Variants in KIFBP observed in about 807,000 individuals in gnomAD.
The protein encoded by KIFBP is kinesin family binding protein, also known as KIF-binding protein.
In KIFBP, 46 loss-of-function variants were observed where a neutral mutation model predicts 58.9. The observed-to-expected ratio is 0.78, with a 90% confidence interval of 0.62 to 1.00. The LOEUF is 1.00. Among genes scored for constraint, KIFBP ranks in the 50% least tolerant of loss-of-function variants. The pLI is 0.00. For synonymous variants in KIFBP, 241 were observed against 283.4 expected (o/e 0.85, Z 1.50); for missense variants, 651 against 752.9 (o/e 0.86, Z 1.58).
Position 69,016,230 on chromosome 10 carries a change from A to G in KIFBP, c.1680A>G (p.Ala560=). The G allele has an allele frequency of 6.2e-7, 1 of 1,606,680 alleles. No homozygotes were observed. The highest frequency in any genetic ancestry group is 8.5e-7 in the Non-Finnish European group (1 of 1,176,816). ...GTCTCTATGGCAAAATCATTACTGC[A>G]GATCCCAAGAAAGAGCTGGAAAATT... ...VARLYGKIIT[A]DPKKELENLA... The change falls in exon 7 of 7, where the codon GCA becomes GCG. Residue 560 remains alanine, a synonymous_variant. Coordinates refer to ENST00000361983, the MANE Select transcript of KIFBP (RefSeq NM_015634.4).
intron 5 of KIFBP, among the ~76,000 whole-genome samples, chr10:69,009,312 G>A (rs1288610876): frequency 6.6e-6 from 1 of 151,662 alleles, no homozygotes; most frequent in Non-Finnish European, 1.5e-5. Flanking sequence ...GATCAACATA[G>A]TGAGACCCCA....
intron 2 of KIFBP, among the ~76,000 whole-genome samples, chr10:69,002,326 A>G (rs1843475879): frequency 6.6e-6 from 1 of 151,376 alleles, no homozygotes; most frequent in Non-Finnish European, 1.5e-5. Flanking sequence ...TTCCCAGCTA[A>G]TTTTTGTATT....
intron 6 of KIFBP, among the ~76,000 whole-genome samples, chr10:69,015,054 C>T (rs559087061): frequency 6.6e-6 from 1 of 152,248 alleles, no homozygotes; most frequent in African/African-American, 2.4e-5. Context: ...TCTCAAGTAG[C>T]TGGGATTACA....
intron 4 of KIFBP, among the ~76,000 whole-genome samples, chr10:69,008,391 A>AAAAAAAAAAAAAAT: frequency 1.4e-4 from 10 of 71,592 alleles, no homozygotes; most frequent in Admixed American, 3.6e-4. Context: ...AAAAAAAAAA[A>AAAAAAAAAAAAAAT]ATATATATAT....
At chr10:68,994,673 T>C (rs1414585261) in intron 1 of KIFBP, among the ~76,000 whole-genome samples, 1 of 152,190 alleles carries the variant, frequency 6.6e-6, no homozygotes, top group Admixed American at 6.5e-5. Context: ...TTTGTTGTTA[T>C]TGTTCACAGA....
In KIFBP at chr10:69,015,560, A is replaced by T; in HGVS notation, c.1010A>T (p.Asp337Val). Residue 337 changes from aspartate to valine, a missense_variant, in exon 7 of 7, where the codon GAT becomes GTT. Asp to Val is a radical substitution (Grantham distance 152). Transcript: ENST00000361983. ...LSMQDNIGEL[D>V]LDKQSELRAL... ...CTTCAGGACAACATAGGAGAGCTTG[A>T]TCTTGATAAACAGTCTGAACTTAGA... The T allele has an allele frequency of 6.2e-7, 1 of 1,613,784 alleles. No individual in the cohort carries two copies. The highest frequency in any genetic ancestry group is 8.5e-7 in the Non-Finnish European group (1 of 1,179,912).
At chr10:68,989,846 T>C in intron 1 of KIFBP, 2 of 153,466 alleles carry the variant, frequency 1.3e-5, no homozygotes, top group Admixed American at 6.5e-5. Flanking sequence ...CACAGGCGCA[T>C]GCCACCATTC....
In KIFBP at chr10:69,005,757, C is replaced by G; in HGVS notation, c.631C>G (p.Leu211Val). ...KRFEKVYTHNLYYLAQVYQHL... is the reference protein window; with the variant it reads ...KRFEKVYTHNVYYLAQVYQHL... ...ATTTGAAAAGGTTTATACTCATAACCTATATTACCTAGCTCAAGTCTACCA... is the reference window on the plus strand; with the variant it reads ...ATTTGAAAAGGTTTATACTCATAACGTATATTACCTAGCTCAAGTCTACCA... Residue 211 changes from leucine (L) to valine (V), a missense_variant, in exon 4 of 7, where the codon CTA (leucine) becomes GTA (valine). Physicochemically the swap from Leu to Val is conservative, Grantham distance 32. Transcript: ENST00000361983. 1 of 1,612,006 alleles carries G rather than the reference C, an allele frequency of 6.2e-7. No individual in the cohort carries two copies. The highest frequency in any genetic ancestry group is 8.5e-7 in the Non-Finnish European group (1 of 1,178,252).
chr10:69,011,310 G>A (rs1843587134), intron 6 of KIFBP: 3 of 273,378 alleles, frequency 1.1e-5, no homozygotes, highest in East Asian at 1.8e-4. Context: ...ATCATTCAAG[G>A]CCTATCTTAA....
At chr10:69,003,846 A>G (rs562596107) in intron 2 of KIFBP, among the ~76,000 whole-genome samples, 1 of 152,340 alleles carries the variant, frequency 6.6e-6, no homozygotes, top group Non-Finnish European at 1.5e-5. Context: ...CTACTGTAGA[A>G]ATATATACAT....
At chr10:69,010,699 G>T (rs904029883) in intron 5 of KIFBP, among the ~76,000 whole-genome samples, 23 of 152,194 alleles carry the variant, frequency 1.5e-4, no homozygotes, top group African/African-American at 5.5e-4. Context: ...GTGCGAGAAA[G>T]AAATATGCAA....
chr10:68,998,537 TC>T (rs1843430507), intron 1 of KIFBP, among the ~76,000 whole-genome samples: 1 of 151,554 alleles, frequency 6.6e-6, no homozygotes, highest in African/African-American at 2.4e-5. Flanking sequence ...TGTATTTTTT[TC>T]CCTGTCCAAA....
rs909069057 is a variant in KIFBP, at chr10:69,010,887, A to G, written c.875-13A>G. On this transcript the variant is annotated splice_polypyrimidine_tract_variant and intron_variant, in intron 5 of 6. Coordinates refer to ENST00000361983, the MANE Select transcript of KIFBP (RefSeq NM_015634.4). The stretch of plus-strand genomic sequence containing the variant: ...GTGACCATTAACTTAAACAAATCAC[A>G]TGTATATTTTAGCTCCTGAAGCTGA... The G allele has an allele frequency of 9.0e-6, 14 of 1,548,330 alleles. No homozygotes were observed. The East Asian group carries it at 2.5e-4, about 27-fold the overall frequency.
At chr10:68,999,617 A>G (rs1449724638) in intron 1 of KIFBP, 1 of 152,092 alleles carries the variant, frequency 6.6e-6, no homozygotes, top group Non-Finnish European at 1.5e-5. Context: ...ACTTACTCAC[A>G]TGGTTGTTGG....
At chr10:69,003,541 G>A (rs1433833954) in intron 2 of KIFBP, among the ~76,000 whole-genome samples, 1 of 152,168 alleles carries the variant, frequency 6.6e-6, no homozygotes, top group Non-Finnish European at 1.5e-5. Flanking sequence ...AGTAGAATGA[G>A]GCAGAGGTTA....
chr10:69,005,345 G>T (rs1227012099), intron 3 of KIFBP, among the ~76,000 whole-genome samples: 1 of 152,026 alleles, frequency 6.6e-6, no homozygotes, highest in Non-Finnish European at 1.5e-5. Context: ...AGGGTTGGTG[G>T]GATAATCAAA....
chr10:68,988,970 C>T lies in KIFBP; in HGVS notation c.138C>T (p.Val46=), dbSNP rs780644070. 1.9e-6 allele frequency: 3 copies of T among 1,614,104 alleles called. No individual in the cohort carries two copies. Among genetic ancestry groups the T allele is most frequent in the Admixed American group, 3.3e-5 (2 of 60,008 alleles). ...GCGCCCGGGCGCTACTGGAAGAGGT[C>T]AAGGCGCTGCTCGGCCCTGCGCCTG... ...KYSARALLEE[V]KALLGPAPED... The change falls in exon 1 of 7, where the codon GTC becomes GTT. Residue 46 remains valine (V), a synonymous_variant. Transcript: ENST00000361983.
chr10:69,002,944 A>C (rs1160747015), intron 2 of KIFBP, among the ~76,000 whole-genome samples: 1 of 151,424 alleles, frequency 6.6e-6, no homozygotes, highest in African/African-American at 2.4e-5. Context: ...ACGGTGACTT[A>C]CACTTATAAT....
chr10:69,008,232 T>C (rs9651309), intron 4 of KIFBP, among the ~76,000 whole-genome samples: 6,175 of 151,220 alleles, frequency 0.041, 413 homozygotes, highest in African/African-American at 0.14. Flanking sequence ...GAGACCTGTT[T>C]AGGCAACATA....
Sources: gnomAD v4.1 joint callset for allele counts (sites outside exome capture counted in the v4.1 genomes callset) on GRCh38, gnomAD v4.1.1 for gene constraint, MANE v1.5 for transcripts, NCBI Gene and HGNC (gene_info 2026-07-23, HGNC 2026-07-21) for gene names.